Variants in PTPN9 observed in about 807,000 individuals in gnomAD.
The protein encoded by PTPN9 is protein tyrosine phosphatase non-receptor type 9.
PTPN9 carries 26 observed loss-of-function variants against 69.8 expected under a neutral mutation model. The ratio of observed to expected loss-of-function variants is 0.37; its 90% CI spans 0.27 to 0.52. The LOEUF (loss-of-function observed/expected upper bound fraction) is 0.52. Ranked by LOEUF, PTPN9 falls within the 20% of genes least tolerant of loss-of-function variation. The probability of loss-of-function intolerance (pLI) is 0.91; values close to 1 mark genes in which losing one functional copy is unlikely to be tolerated. For synonymous variants in PTPN9, 274 were observed against 272.5 expected, an observed-to-expected ratio of 1.01 and a Z score of -0.05; for missense variants, 549 against 740.3, an observed-to-expected ratio of 0.74 and a Z score of 3.00.
intron 3 of PTPN9, among the ~76,000 whole-genome samples, chr15:75,523,936 G>GTACCT (rs1426008426): frequency 6.6e-6 from 1 of 151,938 alleles, no homozygotes; most frequent in Non-Finnish European, 1.5e-5. Flanking sequence ...TCAGGATAAG[G>GTACCT]TATATAGGAA....
At chr15:75,503,179 C>A (rs2074783711) in intron 7 of PTPN9, among the ~76,000 whole-genome samples, 1 of 150,360 alleles carries the variant, frequency 6.7e-6, no homozygotes, top group African/African-American at 2.5e-5. Context: ...GCCATCCCAT[C>A]TAGGAAGTGA....
chr15:75,551,739 A>G, intron 1 of PTPN9, among the ~76,000 whole-genome samples: 1 of 152,150 alleles, frequency 6.6e-6, no homozygotes, highest in Non-Finnish European at 1.5e-5. Flanking sequence ...GGTCTGACTT[A>G]CAATTTTTTG....
intron 7 of PTPN9, among the ~76,000 whole-genome samples, chr15:75,501,498 T>A: frequency 6.8e-6 from 1 of 148,058 alleles, no homozygotes; most frequent in Admixed American, 6.9e-5. Context: ...AAAGTCTTAC[T>A]CTGTCACTTA....
At chr15:75,566,635 C>T (rs1441215401) in intron 1 of PTPN9, among the ~76,000 whole-genome samples, 2 of 151,392 alleles carry the variant, frequency 1.3e-5, no homozygotes, top group East Asian at 1.9e-4. Context: ...GCTGAGATCG[C>T]ACCACTGCAC....
chr15:75,498,889 A>T (rs1056162770), intron 7 of PTPN9, among the ~76,000 whole-genome samples: 8 of 152,148 alleles, frequency 5.3e-5, no homozygotes, highest in Non-Finnish European at 1.2e-4. Flanking sequence ...AACTGCACAG[A>T]ACTAAATACA....
intron 5 of PTPN9, among the ~76,000 whole-genome samples, chr15:75,516,847 C>T (rs2074872987): frequency 2.0e-5 from 3 of 149,950 alleles, no homozygotes; most frequent in South Asian, 4.2e-4. Context: ...CAGGTTCGAG[C>T]GATTCTCCTG....
intron 7 of PTPN9, among the ~76,000 whole-genome samples, chr15:75,503,509 T>TCTCC (rs2074787455): frequency 1.5e-5 from 2 of 135,622 alleles, no homozygotes; most frequent in African/African-American, 2.9e-5. Flanking sequence ...GTGAGGAGCG[T>TCTCC]CTCCGCCCGG....
chr15:75,506,838 T>G lies in PTPN9; in HGVS notation c.640-835A>C, dbSNP rs564022315. Among the ~76,000 whole-genome samples the G allele has an allele frequency of 2.2e-4, 34 of 152,136 alleles. 1 individual carries two copies. The South Asian group carries it at 6.7e-3, about 30-fold the overall frequency. On this transcript the variant is annotated intron_variant, in intron 6 of 12. Transcript: ENST00000618819. ...GCTGTCGCCTCTTCTTGGAATGCCT[T>G]CCTTTCCTCCTCTGCCTCTTCATGG...
chr15:75,475,126 A>G (rs1339613652), intron 9 of PTPN9, among the ~76,000 whole-genome samples: 1 of 152,190 alleles, frequency 6.6e-6, no homozygotes, highest in African/African-American at 2.4e-5. Context: ...CTTTGTGGGA[A>G]TTAATGATAT....
At chr15:75,573,889 A>C (rs1362290670) in intron 1 of PTPN9, among the ~76,000 whole-genome samples, 2 of 152,204 alleles carry the variant, frequency 1.3e-5, no homozygotes, top group Admixed American at 1.3e-4. Context: ...AATCTAACTG[A>C]AATCAAGGAA....
At chr15:75,528,126 A>T (rs1479922581) in intron 1 of PTPN9, among the ~76,000 whole-genome samples, 1 of 152,098 alleles carries the variant, frequency 6.6e-6, no homozygotes, top group African/African-American at 2.4e-5. Context: ...TTATATGGCA[A>T]CCCCAAAACT....
At position 75,578,798 on chromosome 15, in the gene PTPN9, C is replaced by A. The variant is rs2075186066; in HGVS notation, c.-22G>T. On this transcript the variant is annotated 5_prime_UTR_variant, in exon 1 of 13. Coordinates refer to ENST00000618819, the MANE Select transcript of PTPN9 (RefSeq NM_002833.4). ...CCATCCCCCCGCCACCGCCGCCGGG[C>A]GGACAAAACTCGCTCGCGAGCGCGG... 2.4e-6 allele frequency: 3 copies of A among 1,227,686 alleles called. No homozygotes were observed. The highest frequency in any genetic ancestry group is 3.3e-5 in the South Asian group (1 of 29,928). 76.0% of individuals were successfully genotyped at this position (1,227,686 alleles called of 1,614,324 possible).
At chr15:75,542,854 T>C (rs2075015179) in intron 1 of PTPN9, among the ~76,000 whole-genome samples, 1 of 152,174 alleles carries the variant, frequency 6.6e-6, no homozygotes, top group Non-Finnish European at 1.5e-5. Context: ...TTGGCTTTTT[T>C]TTTTTAATTA....
chr15:75,551,407 G>A (rs1347048853), intron 1 of PTPN9, among the ~76,000 whole-genome samples: 1 of 152,048 alleles, frequency 6.6e-6, no homozygotes, highest in Non-Finnish European at 1.5e-5. Context: ...CCATACTGGA[G>A]TGCAGTGCCA....
At chr15:75,555,433 C>T (rs887223901) in intron 1 of PTPN9, among the ~76,000 whole-genome samples, 1 of 152,028 alleles carries the variant, frequency 6.6e-6, no homozygotes, top group Non-Finnish European at 1.5e-5. Context: ...CTCGGAGTTT[C>T]TGATTCAGCA....
At chr15:75,573,624 A>T (rs1168080212) in intron 1 of PTPN9, among the ~76,000 whole-genome samples, 1 of 152,354 alleles carries the variant, frequency 6.6e-6, no homozygotes, top group Admixed American at 6.5e-5. Flanking sequence ...CTCTGAAAGA[A>T]GATGATGCTG....
chr15:75,553,972 C>T (rs1312327353), intron 1 of PTPN9, among the ~76,000 whole-genome samples: 6 of 151,216 alleles, frequency 4.0e-5, no homozygotes, highest in Non-Finnish European at 8.8e-5. Flanking sequence ...GTCATCTCAG[C>T]CATTTCAAAC....
intron 1 of PTPN9, among the ~76,000 whole-genome samples, chr15:75,534,009 C>T (rs903739647): frequency 5.3e-5 from 8 of 152,200 alleles, no homozygotes; most frequent in African/African-American, 1.9e-4. Flanking sequence ...CTTCTGTCTC[C>T]TGAAATATCA....
chr15:75,557,037 T>G (rs1330940174), intron 1 of PTPN9, among the ~76,000 whole-genome samples: 1 of 152,224 alleles, frequency 6.6e-6, no homozygotes, highest in African/African-American at 2.4e-5. Context: ...GCCTTCCTTT[T>G]AAGGCCGAGT....
Sources: gnomAD v4.1 joint callset for allele counts (sites outside exome capture counted in the v4.1 genomes callset) on GRCh38, gnomAD v4.1.1 for gene constraint, MANE v1.5 for transcripts, NCBI Gene and HGNC (gene_info 2026-07-23, HGNC 2026-07-21) for gene names.